The following TNFSF4 variants were observed in gnomAD, a reference collection of about 807,000 sequenced individuals.
The protein encoded by TNFSF4 is tumor necrosis factor ligand superfamily member 4.
A neutral mutation model predicts 7.3 loss-of-function variants in TNFSF4; 4 were observed. That is an observed-to-expected ratio of 0.55 (90% CI 0.27 to 1.25). TNFSF4 has a LOEUF of 1.25. Among genes scored for constraint, TNFSF4 ranks in the 50% most tolerant of loss-of-function variants. The pLI is 0.12. For missense variants in TNFSF4, 181 were observed against 208.8 expected, an observed-to-expected ratio of 0.87 and a Z score of 0.82; for synonymous variants, 76 against 83.7, an observed-to-expected ratio of 0.91 and a Z score of 0.50.
the TNFSF4 span, among the ~76,000 whole-genome samples, chr1:173,271,039 T>C: frequency 6.6e-6 from 1 of 152,136 alleles, no homozygotes; most frequent in East Asian, 1.9e-4. Flanking sequence ...TACCAACTAT[T>C]TAGTCCATCC....
At chr1:173,438,159 A>G in the TNFSF4 span, among the ~76,000 whole-genome samples, 19 of 152,336 alleles carry the variant, frequency 1.2e-4, no homozygotes, top group South Asian at 3.7e-3. Context: ...GAGAGTATCT[A>G]GGTAGAAGAC....
chr1:173,343,646 C>T, the TNFSF4 span, among the ~76,000 whole-genome samples: 1 of 152,168 alleles, frequency 6.6e-6, no homozygotes, highest in Admixed American at 6.5e-5. Context: ...AAGAGTAACC[C>T]TTTTTCATAC....
At chr1:173,446,848 A>G in the TNFSF4 span, among the ~76,000 whole-genome samples, 1 of 152,048 alleles carries the variant, frequency 6.6e-6, no homozygotes, top group Non-Finnish European at 1.5e-5. Flanking sequence ...TGGCTTCCCT[A>G]CTTTTGAGGT....
At chr1:173,274,263 C>T in the TNFSF4 span, among the ~76,000 whole-genome samples, 3 of 152,078 alleles carry the variant, frequency 2.0e-5, no homozygotes, top group East Asian at 3.9e-4. Context: ...CAATAAAGAT[C>T]GAAGTTATTT....
the TNFSF4 span, among the ~76,000 whole-genome samples, chr1:173,254,654 G>A: frequency 6.6e-6 from 1 of 152,200 alleles, no homozygotes; most frequent in Admixed American, 6.5e-5. Context: ...ACAAGGTCCA[G>A]GCTCCTGGAA....
chr1:173,407,703 G>GGGGTGTGTGTGT, the TNFSF4 span, among the ~76,000 whole-genome samples: 1 of 148,254 alleles, frequency 6.7e-6, no homozygotes, highest in Non-Finnish European at 1.5e-5. Flanking sequence ...GATGTAAATG[G>GGGGTGTGTGTGT]GTGTGTGTGT....
At chr1:173,250,711 G>A in the TNFSF4 span, among the ~76,000 whole-genome samples, 5 of 151,740 alleles carry the variant, frequency 3.3e-5, no homozygotes, top group Admixed American at 2.0e-4. Context: ...CGCCCACCTC[G>A]GCCTCCCAAA....
chr1:173,184,296 T>C lies in TNFSF4; in HGVS notation c.*2220A>G, dbSNP rs1049424563. ...ATTCTTTTCCCACAAAACTCTGCCATGTATATCGAAGGGTTAATTCTCCCT... is the reference window on the plus strand; with the variant it reads ...ATTCTTTTCCCACAAAACTCTGCCACGTATATCGAAGGGTTAATTCTCCCT... On this transcript the variant is annotated 3_prime_UTR_variant, in exon 3 of 3. Coordinates refer to ENST00000281834, the MANE Select transcript of TNFSF4 (RefSeq NM_003326.5). 1.3e-5 allele frequency: 2 copies of C among 152,234 alleles called. No homozygotes were observed. Among genetic ancestry groups the C allele is most frequent in the Non-Finnish European group, 2.9e-5 (2 of 68,042 alleles). 9.4% of individuals were successfully genotyped at this position (152,234 alleles called of 1,614,324 possible).
Position 173,207,202 on chromosome 1 carries a change from T to G in TNFSF4, c.-26A>C, listed in dbSNP as rs1292120494. 1 of 1,584,470 alleles carries G rather than the reference T, an allele frequency of 6.3e-7. No homozygotes were observed. Among genetic ancestry groups the G allele is most frequent in the Non-Finnish European group, 8.6e-7 (1 of 1,157,866 alleles). On this transcript the variant is annotated 5_prime_UTR_variant, in exon 1 of 3. Transcript: ENST00000281834. The stretch of plus-strand genomic sequence containing the variant: ...CTTCACAATCTGGGTAGAGGGAAGA[T>G]GAAGATATGGAAAAGGGGAACGTGC...
At chr1:173,270,437 A>C in the TNFSF4 span, among the ~76,000 whole-genome samples, 1 of 152,092 alleles carries the variant, frequency 6.6e-6, no homozygotes, top group Admixed American at 6.6e-5. Flanking sequence ...CAGAAGGTTG[A>C]GGAGGAAGCA....
At chr1:173,193,160 G>C (rs1229255562) in intron 1 of TNFSF4, among the ~76,000 whole-genome samples, 1 of 152,084 alleles carries the variant, frequency 6.6e-6, no homozygotes, top group African/African-American at 2.4e-5. Context: ...ACAATCAGAA[G>C]ACATTTGGTC....
At chr1:173,310,403 A>T in the TNFSF4 span, among the ~76,000 whole-genome samples, 1 of 151,880 alleles carries the variant, frequency 6.6e-6, no homozygotes, top group Non-Finnish European at 1.5e-5. Flanking sequence ...TAAATATTTG[A>T]CCCAGGGGTA....
chr1:173,304,567 CA>C, the TNFSF4 span, among the ~76,000 whole-genome samples: 1 of 152,064 alleles, frequency 6.6e-6, no homozygotes, highest in South Asian at 2.1e-4. Flanking sequence ...GATAGAAGCA[CA>C]ACTACAAACT....
the TNFSF4 span, among the ~76,000 whole-genome samples, chr1:173,319,914 C>T: frequency 2.6e-5 from 4 of 152,152 alleles, no homozygotes; most frequent in Non-Finnish European, 4.4e-5. Flanking sequence ...AGCATGAAAA[C>T]GCTAAAAATT....
At chr1:173,175,659 A>G in the TNFSF4 span, among the ~76,000 whole-genome samples, 2 of 152,236 alleles carry the variant, frequency 1.3e-5, no homozygotes, top group Non-Finnish European at 2.9e-5. Flanking sequence ...CAGAAGTCTT[A>G]TGAAGAGCAT....
chr1:173,206,720 CA>C (rs1650208341), intron 1 of TNFSF4, among the ~76,000 whole-genome samples: 1 of 152,132 alleles, frequency 6.6e-6, no homozygotes, highest in African/African-American at 2.4e-5. Context: ...ATCAGTGACT[CA>C]AAGCTTCAAA....
chr1:173,262,846 C>T, the TNFSF4 span, among the ~76,000 whole-genome samples: 1 of 152,118 alleles, frequency 6.6e-6, no homozygotes, highest in African/African-American at 2.4e-5. Context: ...ATGATCCGCC[C>T]GTCTCGGCCT....
At chr1:173,205,722 G>A (rs1191341098) in intron 1 of TNFSF4, 3 of 354,328 alleles carry the variant, frequency 8.5e-6, no homozygotes, top group East Asian at 1.5e-4. Flanking sequence ...GCATCCGGTC[G>A]ATGTCTTGGG....
the TNFSF4 span, among the ~76,000 whole-genome samples, chr1:173,248,435 AAG>A: frequency 6.6e-6 from 1 of 150,964 alleles, no homozygotes; most frequent in African/African-American, 2.4e-5. Flanking sequence ...GGGAGAAAGA[AAG>A]AGAGGAGAAA....
Sources: gnomAD v4.1 joint callset for allele counts (sites outside exome capture counted in the v4.1 genomes callset) on GRCh38, gnomAD v4.1.1 for gene constraint, MANE v1.5 for transcripts, NCBI Gene and HGNC (gene_info 2026-07-23, HGNC 2026-07-21) for gene names.